The following TRIM37 variants were observed in gnomAD, a reference collection of about 807,000 sequenced individuals.
TRIM37 encodes E3 ubiquitin-protein ligase TRIM37.
A neutral mutation model predicts 129.8 loss-of-function variants in TRIM37; 80 were observed. That is an observed-to-expected ratio of 0.62 (90% CI 0.51 to 0.74). The LOEUF is 0.74. TRIM37 is among the 30% of genes least tolerant of loss of function. TRIM37 has a pLI of 0.00. For synonymous variants in TRIM37, 389 were observed against 387.1 expected (o/e 1.00, Z -0.06); for missense variants, 1,054 against 1,176.5 (o/e 0.90, Z 1.52).
chr17:59,074,086 T>C (rs1259166112), intron 8 of TRIM37, among the ~76,000 whole-genome samples: 1 of 152,238 alleles, frequency 6.6e-6, no homozygotes, highest in African/African-American at 2.4e-5. Flanking sequence ...CAACTAGCAG[T>C]GCAGTATGTG....
At chr17:58,991,195 A>G (rs1174549439) in intron 24 of TRIM37, among the ~76,000 whole-genome samples, 34 of 148,132 alleles carry the variant, frequency 2.3e-4, no homozygotes, top group Admixed American at 2.2e-3. Flanking sequence ...AAAAAAAAAG[A>G]AAAAAGTTTC....
chr17:59,087,928 A>G (rs867091722), intron 4 of TRIM37: 7 of 369,350 alleles, frequency 1.9e-5, no homozygotes, highest in African/African-American at 1.2e-4. Context: ...ACATAAGACC[A>G]TTTATTCATT....
In TRIM37 at chr17:58,998,758, C is replaced by T; in HGVS notation, c.*619G>A. ...CATTTAAAATTACATTTGTAGAAGT[C>T]ACACAACAGAAAGATACCATGCGGT... is the stretch of plus-strand genomic sequence containing the variant. On this transcript the variant is annotated 3_prime_UTR_variant, in exon 24 of 24. Coordinates refer to ENST00000262294, the MANE Select transcript of TRIM37 (RefSeq NM_015294.6). 3 of 985,754 alleles carry T rather than the reference C, an allele frequency of 3.0e-6. No homozygotes were observed. Among genetic ancestry groups the T allele is most frequent in the Non-Finnish European group, 3.6e-6 (3 of 830,200 alleles). 61.1% of individuals were successfully genotyped at this position (985,754 alleles called of 1,614,324 possible).
intron 16 of TRIM37, among the ~76,000 whole-genome samples, chr17:59,042,445 A>ATATAT (rs1220676334): frequency 1.9e-3 from 76 of 40,216 alleles, no homozygotes; most frequent in African/African-American, 4.3e-3. Flanking sequence ...AAAAAAAAAA[A>ATATAT]AAAAATATAT....
chr17:58,996,221 C>T (rs920034588), downstream of TRIM37, among the ~76,000 whole-genome samples: 2 of 152,010 alleles, frequency 1.3e-5, no homozygotes, highest in African/African-American at 4.8e-5. Context: ...GCTTCTAATC[C>T]AGCACTTTGG....
chr17:59,095,643 A>G (rs1277620716), intron 2 of TRIM37, among the ~76,000 whole-genome samples: 1 of 152,224 alleles, frequency 6.6e-6, no homozygotes, highest in Non-Finnish European at 1.5e-5. Context: ...GTGAAAGCAT[A>G]CAAAATTTCT....
chr17:59,085,428 A>C (rs1024072556), intron 4 of TRIM37, among the ~76,000 whole-genome samples: 2 of 152,192 alleles, frequency 1.3e-5, no homozygotes, highest in African/African-American at 2.4e-5. Context: ...AAATGAGCAA[A>C]AGATCTCCAG....
chr17:58,976,673 T>G, the TRIM37 span, among the ~76,000 whole-genome samples: 10 of 152,216 alleles, frequency 6.6e-5, no homozygotes, highest in African/African-American at 2.4e-4. Context: ...AAATGGATAT[T>G]CATGCCCTCC....
rs541365941 is a variant in TRIM37 at position 59,011,727 on chromosome 17, G to A, written c.2695+601C>T. Among the ~76,000 whole-genome samples, 3 of 152,266 alleles carry A rather than the reference G, an allele frequency of 2.0e-5. No individual in the cohort carries two copies. In the East Asian group the frequency reaches 5.8e-4, roughly 29 times the overall value. ...TGCAAAAGAAACACTAGAAAGTACA[G>A]CTGAGAACAAGCTGAAGTCAGTCAT... On this transcript the variant is annotated intron_variant, in intron 22 of 23. Transcript: ENST00000262294.
At chr17:59,052,077 A>G (rs902296526) in intron 13 of TRIM37, among the ~76,000 whole-genome samples, 2 of 152,164 alleles carry the variant, frequency 1.3e-5, no homozygotes, top group East Asian at 3.8e-4. Context: ...TGAACCCTTC[A>G]AGATAGCAAT....
intron 12 of TRIM37, among the ~76,000 whole-genome samples, chr17:59,060,639 T>C (rs184957087): frequency 1.8e-4 from 28 of 152,344 alleles, no homozygotes; most frequent in African/African-American, 3.4e-4. Context: ...GGGAAGTGAC[T>C]GCTAAGGAGT....
the TRIM37 span, among the ~76,000 whole-genome samples, chr17:58,969,141 T>C: frequency 6.6e-6 from 1 of 152,226 alleles, no homozygotes; most frequent in African/African-American, 2.4e-5. Flanking sequence ...ACTTTCATTT[T>C]GAAAAAAATC....
At position 58,998,294 on chromosome 17, in the gene TRIM37, G is replaced by A. The variant is rs1399007501; in HGVS notation, c.*1083C>T. On this transcript the variant is annotated 3_prime_UTR_variant, in exon 24 of 24. Coordinates refer to ENST00000262294, the MANE Select transcript of TRIM37 (RefSeq NM_015294.6). The stretch of plus-strand genomic sequence containing the variant: ...AGCATTCAGCAAGACATCAGACACG[G>A]AAGAGTGAACAATATTCACTAAGTA... The A allele has an allele frequency of 2.5e-5, 25 of 985,226 alleles. No individual in the cohort carries two copies. The highest frequency in any genetic ancestry group is 3.0e-5 in the Non-Finnish European group (25 of 829,848). 61.0% of individuals were successfully genotyped at this position (985,226 alleles called of 1,614,324 possible).
At chr17:59,096,783 C>G (rs963325476) in intron 2 of TRIM37, among the ~76,000 whole-genome samples, 1 of 151,972 alleles carries the variant, frequency 6.6e-6, no homozygotes, top group Non-Finnish European at 1.5e-5. Context: ...ATGTACTGTG[C>G]ATCCTCATTC....
At chr17:59,072,747 CAA>C (rs34205408) in intron 8 of TRIM37, among the ~76,000 whole-genome samples, 13 of 132,122 alleles carry the variant, frequency 9.8e-5, no homozygotes, top group Non-Finnish European at 9.7e-5. Flanking sequence ...GACTCTGTCT[CAA>C]AAAAAAAAAA....
At chr17:59,057,907 C>T (rs1778985730) in intron 12 of TRIM37, among the ~76,000 whole-genome samples, 1 of 152,038 alleles carries the variant, frequency 6.6e-6, no homozygotes, top group Admixed American at 6.6e-5. Flanking sequence ...ACCGATATAT[C>T]AGGTATAAAA....
intron 7 of TRIM37, 26 bp downstream of exon 7, chr17:59,079,728 C>T: frequency 1.2e-6 from 2 of 1,613,390 alleles, no homozygotes; most frequent in South Asian, 1.1e-5. Context: ...GCACCAGGTA[C>T]CCCAGCAGCA....
At chr17:59,014,663 GAC>G (rs1042230319) in intron 21 of TRIM37, among the ~76,000 whole-genome samples, 5 of 149,352 alleles carry the variant, frequency 3.3e-5, no homozygotes, top group Non-Finnish European at 5.9e-5. Flanking sequence ...AAATGCCTGT[GAC>G]ACATAATATA....
At chr17:58,979,817 T>C (rs2031258221), downstream of TRIM37, among the ~76,000 whole-genome samples, 1 of 152,224 alleles carries the variant, frequency 6.6e-6, no homozygotes, top group South Asian at 2.1e-4. Flanking sequence ...CCAGAGAATT[T>C]AAGTATTTTG....
Sources: gnomAD v4.1 joint callset for allele counts (sites outside exome capture counted in the v4.1 genomes callset) on GRCh38, gnomAD v4.1.1 for gene constraint, MANE v1.5 for transcripts, NCBI Gene and HGNC (gene_info 2026-07-23, HGNC 2026-07-21) for gene names.